Variants in GPHN observed in about 807,000 individuals in gnomAD.
The protein encoded by GPHN is gephyrin.
A neutral mutation model predicts 95.5 loss-of-function variants in GPHN; 17 were observed. The ratio of observed to expected loss-of-function variants is 0.18; its 90% confidence interval spans 0.12 to 0.27. The LOEUF (loss-of-function observed/expected upper bound fraction) is 0.27, where lower values mean the gene tolerates loss of function less well. GPHN is among the 10% of genes least tolerant of loss of function. GPHN has a pLI of 1.00. For synonymous variants in GPHN, 320 were observed against 322.5 expected, an observed-to-expected ratio of 0.99 and a Z score of 0.08; for missense variants, 660 against 978.1, an observed-to-expected ratio of 0.67 and a Z score of 4.34.
chr14:67,367,433 G>C, the GPHN span, among the ~76,000 whole-genome samples: 1 of 151,644 alleles, frequency 6.6e-6, no homozygotes, highest in African/African-American at 2.4e-5. Context: ...GTTTCACCAT[G>C]TTGGCCAGAA....
intron 2 of GPHN, among the ~76,000 whole-genome samples, chr14:66,718,184 C>T (rs2070372396): frequency 1.3e-5 from 2 of 152,082 alleles, no homozygotes; most frequent in South Asian, 2.1e-4. Context: ...TGTGGACCCT[C>T]GCAGTGAGTG....
At chr14:67,277,626 A>T in the GPHN span, among the ~76,000 whole-genome samples, 1 of 152,200 alleles carries the variant, frequency 6.6e-6, no homozygotes, top group Non-Finnish European at 1.5e-5. Flanking sequence ...ATTAGATTTA[A>T]TGTGTGGGTT....
At chr14:67,123,732 T>TACA (rs2079137211) in intron 17 of GPHN, among the ~76,000 whole-genome samples, 1 of 152,116 alleles carries the variant, frequency 6.6e-6, no homozygotes, top group African/African-American at 2.4e-5. Flanking sequence ...ATGGACCACG[T>TACA]ACAACCCAGG....
chr14:66,633,367 T>G (rs556579495), intron 1 of GPHN, among the ~76,000 whole-genome samples: 3 of 152,318 alleles, frequency 2.0e-5, no homozygotes, highest in African/African-American at 7.2e-5. Context: ...AGTGTTTTAT[T>G]CAACTGGCAG....
At chr14:67,414,382 C>T in the GPHN span, among the ~76,000 whole-genome samples, 1 of 152,330 alleles carries the variant, frequency 6.6e-6, no homozygotes, top group Middle Eastern at 3.4e-3. Context: ...GCCACCAGCC[C>T]ACCAGGGAAC....
At chr14:66,639,071 G>T (rs556243783) in intron 1 of GPHN, among the ~76,000 whole-genome samples, 26 of 150,352 alleles carry the variant, frequency 1.7e-4, no homozygotes, top group Admixed American at 1.7e-3. Context: ...TTATGATTTC[G>T]TGCTCAGATT....
intron 2 of GPHN, among the ~76,000 whole-genome samples, chr14:66,769,208 A>T (rs1240915643): frequency 6.6e-6 from 1 of 152,104 alleles, no homozygotes; most frequent in East Asian, 1.9e-4. Context: ...ACCAAATTTT[A>T]ATTCTAATCT....
intron 3 of GPHN, among the ~76,000 whole-genome samples, chr14:66,799,325 A>C (rs930803479): frequency 1.3e-5 from 2 of 152,040 alleles, no homozygotes; most frequent in Non-Finnish European, 2.9e-5. Context: ...AATATCTATT[A>C]GATCTATTTG....
At chr14:67,381,758 G>GT in the GPHN span, 7 of 1,040,024 alleles carry the variant, frequency 6.7e-6, no homozygotes, top group South Asian at 3.5e-5. Flanking sequence ...TTTGATCTTT[G>GT]TTTCTTTTTT....
chr14:67,662,190 A>C, the GPHN span, among the ~76,000 whole-genome samples: 3,972 of 151,714 alleles, frequency 0.026, 188 homozygotes, highest in African/African-American at 0.092. Context: ...AAAAAAAAAA[A>C]CAACAGATTT....
chr14:67,694,189 T>C, the GPHN span, among the ~76,000 whole-genome samples: 1 of 152,042 alleles, frequency 6.6e-6, no homozygotes, highest in Non-Finnish European at 1.5e-5. Context: ...AGTGCGAAAA[T>C]GCTGACAGGG....
At chr14:66,944,525 A>G (rs2067626314) in intron 8 of GPHN, among the ~76,000 whole-genome samples, 1 of 152,126 alleles carries the variant, frequency 6.6e-6, no homozygotes, top group Admixed American at 6.6e-5. Flanking sequence ...CACAAGTAAA[A>G]CTCTACAGAG....
chr14:66,688,920 G>C (rs1295112610), intron 2 of GPHN, among the ~76,000 whole-genome samples: 1 of 151,528 alleles, frequency 6.6e-6, no homozygotes, highest in African/African-American at 2.4e-5. Context: ...GTCGGGGGGT[G>C]GGGGGCTGGG....
chr14:66,655,236 A>G (rs1449191015), intron 1 of GPHN, among the ~76,000 whole-genome samples: 1 of 152,168 alleles, frequency 6.6e-6, no homozygotes, highest in Non-Finnish European at 1.5e-5. Flanking sequence ...TGTTGAGTCT[A>G]ACAATCTGTT....
At chr14:66,918,984 C>T (rs563091196) in intron 6 of GPHN, among the ~76,000 whole-genome samples, 1 of 152,254 alleles carries the variant, frequency 6.6e-6, no homozygotes, top group South Asian at 2.1e-4. Context: ...ACCTCCACCT[C>T]TTCTGCAGCT....
chr14:67,559,380 G>A, the GPHN span, among the ~76,000 whole-genome samples: 4 of 152,234 alleles, frequency 2.6e-5, no homozygotes, highest in East Asian at 5.8e-4. Context: ...GGGATATGCC[G>A]CGTTTATTCA....
the GPHN span, among the ~76,000 whole-genome samples, chr14:67,494,532 G>A: frequency 1.4e-4 from 21 of 152,182 alleles, no homozygotes; most frequent in African/African-American, 4.8e-4. Context: ...TGAATTGGTG[G>A]TTATTGAATC....
At chr14:67,712,493 CAAA>C in the GPHN span, among the ~76,000 whole-genome samples, 56 of 38,934 alleles carry the variant, frequency 1.4e-3, no homozygotes, top group African/African-American at 2.6e-3. Context: ...AAAAAACTTG[CAAA>C]AAAAAAAAAA....
rs188590439 is a variant in GPHN at position 67,073,824 on chromosome 14, C to G, written c.1144+15038C>G. ...GAAAAAAGTGCACAACACAATAGCACTTTGAGAAAGCTATGTATTTTATAA... is the reference window on the plus strand; with the variant it reads ...GAAAAAAGTGCACAACACAATAGCAGTTTGAGAAAGCTATGTATTTTATAA... On this transcript the variant is annotated intron_variant, in intron 11 of 22. Coordinates refer to ENST00000478722, the MANE Select transcript of GPHN (RefSeq NM_020806.5). Among the ~76,000 whole-genome samples, 185 of 152,264 alleles carry G rather than the reference C, an allele frequency of 1.2e-3. 1 individual carries two copies. The highest frequency in any genetic ancestry group is 2.8e-3 in the Admixed American group (43 of 15,288).
Sources: allele counts gnomAD v4.1 joint callset (sites outside exome capture counted in the v4.1 genomes callset), GRCh38; gene constraint gnomAD v4.1.1; transcripts MANE v1.5; gene names NCBI Gene and HGNC (gene_info 2026-07-23, HGNC 2026-07-21).